CCNY: variants seen among roughly 807,000 people sequenced by gnomAD.
CCNY encodes cyclin-Y.
A neutral mutation model predicts 42.8 loss-of-function variants in CCNY; 19 were observed. That is an observed-to-expected ratio of 0.44 (90% confidence interval 0.31 to 0.65). The LOEUF (loss-of-function observed/expected upper bound fraction) is 0.65. Ranked by LOEUF, CCNY falls within the 30% of genes least tolerant of loss-of-function variation. The pLI, the probability that CCNY is intolerant of heterozygous loss-of-function variation, is 0.07. For missense variants in CCNY, 370 were observed against 437.3 expected, an observed-to-expected ratio of 0.85 and a Z score of 1.37; for synonymous variants, 165 against 162.7, an observed-to-expected ratio of 1.01 and a Z score of -0.11.
At chr10:35,330,976 T>A (rs531386126) in intron 3 of CCNY, among the ~76,000 whole-genome samples, 1 of 152,288 alleles carries the variant, frequency 6.6e-6, no homozygotes, top group South Asian at 2.1e-4. Flanking sequence ...GCCAGGCTGG[T>A]CTTGAACTCT....
intron 1 of CCNY, among the ~76,000 whole-genome samples, chr10:35,348,563 G>A (rs1373253122): frequency 6.6e-6 from 1 of 152,246 alleles, no homozygotes; most frequent in Non-Finnish European, 1.5e-5. Flanking sequence ...CTGGATGTTG[G>A]AAGTGTAAGA....
At chr10:35,439,840 A>G (rs1040223753) in intron 1 of CCNY, among the ~76,000 whole-genome samples, 3 of 152,096 alleles carry the variant, frequency 2.0e-5, no homozygotes, top group African/African-American at 7.2e-5. Flanking sequence ...TGGAGACAGA[A>G]GTTCAGGTTT....
chr10:35,531,455 A>G, intron 7 of CCNY, among the ~76,000 whole-genome samples: 1 of 152,244 alleles, frequency 6.6e-6, no homozygotes, highest in East Asian at 1.9e-4. Context: ...ATAATAGAAC[A>G]GACAATCAAG....
At chr10:35,329,415 T>G (rs1196825031) in intron 3 of CCNY, among the ~76,000 whole-genome samples, 1 of 152,174 alleles carries the variant, frequency 6.6e-6, no homozygotes, top group Non-Finnish European at 1.5e-5. Flanking sequence ...AAAAATTTTT[T>G]CATCCCGTAA....
In CCNY at chr10:35,363,688, C is replaced by T. The variant is rs974949065; in HGVS notation, c.154+26481C>T. On this transcript the variant is annotated intron_variant, in intron 1 of 9. Transcript: ENST00000374704. ...GTGTTGTCACTCCGCCCCACGACCT[C>T]CCCGAGACTGACACTGTCAGTCAGA... Among the ~76,000 whole-genome samples, 3 of 152,154 alleles carry T rather than the reference C, an allele frequency of 2.0e-5. No individual in the cohort carries two copies. The South Asian group carries it at 6.2e-4, about 32-fold the overall frequency.
At chr10:35,467,185 A>G (rs1306291373) in intron 1 of CCNY, among the ~76,000 whole-genome samples, 1 of 152,258 alleles carries the variant, frequency 6.6e-6, no homozygotes, top group East Asian at 1.9e-4. Flanking sequence ...TATACATTAT[A>G]GATGTATTTT....
At chr10:35,289,108 T>C (rs1184312339) in intron 3 of CCNY, among the ~76,000 whole-genome samples, 1 of 152,170 alleles carries the variant, frequency 6.6e-6, no homozygotes, top group Non-Finnish European at 1.5e-5. Flanking sequence ...AGAGTTTTAG[T>C]GTAAAGATCT....
intron 7 of CCNY, among the ~76,000 whole-genome samples, chr10:35,551,177 C>T (rs1454032063): frequency 3.9e-5 from 6 of 152,134 alleles, no homozygotes; most frequent in South Asian, 2.1e-4. Flanking sequence ...ATTCGCATCC[C>T]GTAAGAGACC....
intron 3 of CCNY, among the ~76,000 whole-genome samples, chr10:35,325,353 A>G (rs975085113): frequency 2.0e-5 from 3 of 149,920 alleles, no homozygotes; most frequent in Admixed American, 2.0e-4. Context: ...TAATTTTTTT[A>G]TTTTTAGTAG....
chr10:35,270,883 A>G (rs1486231817), intron 3 of CCNY, among the ~76,000 whole-genome samples: 6 of 150,180 alleles, frequency 4.0e-5, no homozygotes, highest in Non-Finnish European at 7.4e-5. Context: ...CCGCCACCAC[A>G]CCCGGCTAAT....
intron 3 of CCNY, among the ~76,000 whole-genome samples, chr10:35,269,844 G>A (rs1835140967): frequency 6.6e-6 from 1 of 151,924 alleles, no homozygotes; most frequent in Admixed American, 6.6e-5. Flanking sequence ...TGGCCAGGCT[G>A]GACTTGAACT....
chr10:35,387,962 A>G (rs1324663071), intron 1 of CCNY, among the ~76,000 whole-genome samples: 2 of 152,118 alleles, frequency 1.3e-5, no homozygotes, highest in East Asian at 1.9e-4. Context: ...CTTACTTGAG[A>G]TGACTTAGTT....
At chr10:35,276,912 T>C (rs1835246059) in intron 3 of CCNY, among the ~76,000 whole-genome samples, 1 of 152,236 alleles carries the variant, frequency 6.6e-6, no homozygotes, top group Non-Finnish European at 1.5e-5. Context: ...AAGAGCCATC[T>C]TTGTGGTGTC....
intron 4 of CCNY, among the ~76,000 whole-genome samples, chr10:35,521,767 T>C (rs1840552328): frequency 6.6e-6 from 1 of 152,114 alleles, no homozygotes; most frequent in Non-Finnish European, 1.5e-5. Context: ...TGGCACCCCG[T>C]TCACTGCCAG....
At chr10:35,386,353 C>G (rs1194563358) in intron 1 of CCNY, among the ~76,000 whole-genome samples, 1 of 152,160 alleles carries the variant, frequency 6.6e-6, no homozygotes, top group Admixed American at 6.5e-5. Context: ...TCCTGCAGGT[C>G]TCTCTTAAGA....
chr10:35,394,301 T>G (rs1837476841), intron 1 of CCNY, among the ~76,000 whole-genome samples: 1 of 152,194 alleles, frequency 6.6e-6, no homozygotes, highest in South Asian at 2.1e-4. Context: ...CTTATAAGGA[T>G]AGGTTAATGG....
intron 3 of CCNY, among the ~76,000 whole-genome samples, chr10:35,307,448 G>C (rs1042990352): frequency 6.6e-6 from 1 of 152,152 alleles, no homozygotes; most frequent in African/African-American, 2.4e-5. Context: ...GATTATGTTA[G>C]AGCTTGCAAG....
chr10:35,394,566 A>C (rs1029190022), intron 1 of CCNY, among the ~76,000 whole-genome samples: 7 of 152,228 alleles, frequency 4.6e-5, no homozygotes, highest in Non-Finnish European at 7.3e-5. Flanking sequence ...GGCCGGCTTC[A>C]AGGCATTGTT....
chr10:35,388,326 A>C (rs1260729736), intron 1 of CCNY, among the ~76,000 whole-genome samples: 1 of 152,204 alleles, frequency 6.6e-6, no homozygotes, highest in African/African-American at 2.4e-5. Context: ...CCAGATGAAC[A>C]CTTATATATG....
Sources: gnomAD v4.1 joint callset for allele counts (sites outside exome capture counted in the v4.1 genomes callset) on GRCh38, gnomAD v4.1.1 for gene constraint, MANE v1.5 for transcripts, NCBI Gene and HGNC (gene_info 2026-07-23, HGNC 2026-07-21) for gene names.